Variants in KCNT2 observed in about 807,000 individuals in gnomAD.
KCNT2 encodes the protein potassium sodium-activated channel subfamily T member 2, also known as potassium channel subfamily T member 2.
KCNT2 carries 67 observed loss-of-function variants against 153.8 expected under a neutral mutation model. The observed-to-expected ratio is 0.44, with a 90% CI of 0.36 to 0.53. The LOEUF (loss-of-function observed/expected upper bound fraction) is 0.53, where lower values mean the gene tolerates loss of function less well. Among genes scored for constraint, KCNT2 ranks in the 20% least tolerant of loss-of-function variants. The pLI is 0.00. For synonymous variants in KCNT2, 500 were observed against 458.8 expected, an observed-to-expected ratio of 1.09 and a Z score of -1.15; for missense variants, 975 against 1,354.8, an observed-to-expected ratio of 0.72 and a Z score of 4.40.
chr1:196,470,681 C>T (rs1678012783), intron 5 of KCNT2, among the ~76,000 whole-genome samples: 1 of 152,110 alleles, frequency 6.6e-6, no homozygotes, highest in African/African-American at 2.4e-5. Context: ...CAACTTCAAC[C>T]CAGAAACTGA....
intron 1 of KCNT2, among the ~76,000 whole-genome samples, chr1:196,515,279 T>C (rs1022822492): frequency 1.3e-5 from 2 of 152,206 alleles, no homozygotes; most frequent in African/African-American, 4.8e-5. Flanking sequence ...CCACCTTGCA[T>C]TGTTACCATT....
rs571479402 is a variant in KCNT2 at position 196,524,389 on chromosome 1, G to A, written c.96-32048C>T. Among the ~76,000 whole-genome samples, 110 of 152,178 alleles carry A rather than the reference G, an allele frequency of 7.2e-4. 3 individuals are homozygous for A. The highest frequency in any genetic ancestry group is 2.5e-4 in the Non-Finnish European group (17 of 68,024). On this transcript the variant is annotated intron_variant, in intron 1 of 27. Coordinates refer to ENST00000294725, the MANE Select transcript of KCNT2 (RefSeq NM_198503.5). ...AGGGGGGAAAAAAAGTGGTTTTCCAGAGAGGAATCAGGAATTGTTACCAAA... is the reference window on the plus strand; with the variant it reads ...AGGGGGGAAAAAAAGTGGTTTTCCAAAGAGGAATCAGGAATTGTTACCAAA...
intron 1 of KCNT2, among the ~76,000 whole-genome samples, chr1:196,557,997 A>G (rs1342021609): frequency 1.3e-5 from 2 of 151,416 alleles, no homozygotes; most frequent in Non-Finnish European, 3.0e-5. Context: ...AACCTGACAG[A>G]GAATGTTCTG....
rs1243629294 is a variant in KCNT2, at chr1:196,581,726, T to C, written c.95+26489A>G. On this transcript the variant is annotated intron_variant, in intron 1 of 27. Coordinates refer to ENST00000294725, the MANE Select transcript of KCNT2 (RefSeq NM_198503.5). ...AAGAGAAAGAAATCCCACTCAAGCA[T>C]AAATTAACTTCAGTTCATTTTAAAA... Among the ~76,000 whole-genome samples, 9 of 152,262 alleles carry C rather than the reference T, an allele frequency of 5.9e-5. No homozygotes were observed. The South Asian group carries it at 1.5e-3, about 25-fold the overall frequency.
At chr1:196,511,512 G>A (rs1681628850) in intron 1 of KCNT2, among the ~76,000 whole-genome samples, 1 of 152,188 alleles carries the variant, frequency 6.6e-6, no homozygotes, top group Non-Finnish European at 1.5e-5. Context: ...AGGGGAGACA[G>A]AGAGACATAA....
intron 26 of KCNT2, among the ~76,000 whole-genome samples, chr1:196,252,780 T>G (rs1656096270): frequency 6.6e-6 from 1 of 151,422 alleles, no homozygotes. Flanking sequence ...AGCATTTGTT[T>G]GTCTAAAAAT....
chr1:196,503,637 T>A (rs1680877856), intron 1 of KCNT2, among the ~76,000 whole-genome samples: 1 of 152,104 alleles, frequency 6.6e-6, no homozygotes, highest in African/African-American at 2.4e-5. Flanking sequence ...CAAAGTCCAA[T>A]ATGGGGAGAA....
chr1:196,468,924 T>C, intron 6 of KCNT2, 70 bp downstream of exon 6: 1 of 857,460 alleles, frequency 1.2e-6, no homozygotes, highest in South Asian at 1.5e-5. Flanking sequence ...TATTTAACAG[T>C]ATCTAGGTTT....
chr1:196,280,837 A>T, intron 25 of KCNT2, 23 bp downstream of exon 25: 1 of 1,603,288 alleles, frequency 6.2e-7, no homozygotes, highest in Non-Finnish European at 8.5e-7. Flanking sequence ...CATCAAAACA[A>T]GAATATTTTG....
chr1:196,551,948 G>T (rs12121378), intron 1 of KCNT2, among the ~76,000 whole-genome samples: 8,216 of 151,486 alleles, frequency 0.054, 769 homozygotes, highest in African/African-American at 0.19. Context: ...GAGATTTATT[G>T]TAAGGAGTAT....
chr1:196,343,273 C>T (rs574957823), intron 14 of KCNT2, among the ~76,000 whole-genome samples: 8 of 152,306 alleles, frequency 5.3e-5, no homozygotes, highest in Middle Eastern at 6.8e-3. Context: ...ACGTTCTGCG[C>T]TGCCCGCCTA....
rs142296681 is a variant in KCNT2, at chr1:196,401,189, T to G, written c.1186-2518A>C. Among the ~76,000 whole-genome samples, 436 of 151,964 alleles carry G rather than the reference T, an allele frequency of 2.9e-3. 7 individuals carry two copies. Among genetic ancestry groups the G allele is most frequent in the East Asian group, 9.9e-3 (51 of 5,136 alleles). On this transcript the variant is annotated intron_variant, in intron 12 of 27. Coordinates refer to ENST00000294725, the MANE Select transcript of KCNT2 (RefSeq NM_198503.5). ...CAATGGTGATGGAGTTTGCTTTATTTTGAGTTTAAGCAACTTAGCCTCTGC... is the reference window on the plus strand; with the variant it reads ...CAATGGTGATGGAGTTTGCTTTATTGTGAGTTTAAGCAACTTAGCCTCTGC...
At chr1:196,568,777 G>A (rs913494078) in intron 1 of KCNT2, among the ~76,000 whole-genome samples, 2 of 23,452 alleles carry the variant, frequency 8.5e-5, no homozygotes, top group Admixed American at 5.4e-4. Flanking sequence ...TGTTAATAAT[G>A]AGCTTTTTTT....
intron 25 of KCNT2, 81 bp downstream of exon 25, chr1:196,280,779 T>A (rs1003424872): frequency 6.9e-6 from 9 of 1,302,034 alleles, no homozygotes; most frequent in Non-Finnish European, 9.8e-6. Flanking sequence ...TTGCATTTTT[T>A]ATAAATCAGT....
intron 1 of KCNT2, among the ~76,000 whole-genome samples, chr1:196,499,002 G>A (rs192636054): frequency 6.6e-6 from 1 of 152,120 alleles, no homozygotes; most frequent in Non-Finnish European, 1.5e-5. Context: ...TACTATAATA[G>A]GGTGAGCCCT....
At chr1:196,375,596 A>T (rs1026717629) in intron 13 of KCNT2, among the ~76,000 whole-genome samples, 3 of 151,616 alleles carry the variant, frequency 2.0e-5, no homozygotes, top group Non-Finnish European at 4.4e-5. Context: ...TTTACATATT[A>T]AAAAAACATG....
chr1:196,305,613 GAAC>G (rs1661558585), intron 21 of KCNT2, among the ~76,000 whole-genome samples: 1 of 151,862 alleles, frequency 6.6e-6, no homozygotes, highest in Admixed American at 6.6e-5. Context: ...TACAATTATG[GAAC>G]AACATAGAAG....
In KCNT2 at chr1:196,507,894, T is replaced by C. The variant is rs1380315489; in HGVS notation, c.96-15553A>G. Among the ~76,000 whole-genome samples, 7 of 151,904 alleles carry C rather than the reference T, an allele frequency of 4.6e-5. No homozygotes were observed. In the East Asian group the frequency reaches 1.4e-3, roughly 29 times the overall value. On this transcript the variant is annotated intron_variant, in intron 1 of 27. Coordinates refer to ENST00000294725, the MANE Select transcript of KCNT2 (RefSeq NM_198503.5). ...ACATAGACTATTTTGAGGAATTTGATAATCTGATTCTATAATGAGTAAAAG... is the reference window on the plus strand; with the variant it reads ...ACATAGACTATTTTGAGGAATTTGACAATCTGATTCTATAATGAGTAAAAG...
intron 1 of KCNT2, among the ~76,000 whole-genome samples, chr1:196,544,339 G>A (rs1158580597): frequency 6.6e-6 from 1 of 151,756 alleles, no homozygotes; most frequent in Non-Finnish European, 1.5e-5. Flanking sequence ...ATGTTTTGAG[G>A]CATATATTGG....
Sources: allele counts gnomAD v4.1 joint callset (sites outside exome capture counted in the v4.1 genomes callset), GRCh38; gene constraint gnomAD v4.1.1; transcripts MANE v1.5; gene names NCBI Gene and HGNC (gene_info 2026-07-23, HGNC 2026-07-21).